Variants in NPR3 observed in about 807,000 individuals in gnomAD.
NPR3 encodes atrial natriuretic peptide receptor 3.
In NPR3, 34 loss-of-function variants were observed where a neutral mutation model predicts 54.5. The observed-to-expected ratio is 0.62, with a 90% CI of 0.47 to 0.83. The LOEUF (loss-of-function observed/expected upper bound fraction) is 0.83, where lower values mean the gene tolerates loss of function less well. Ranked by LOEUF, NPR3 falls within the 40% of genes least tolerant of loss-of-function variation. NPR3 has a pLI of 0.00. For synonymous variants in NPR3, 289 were observed against 297.1 expected (o/e 0.97, Z 0.28); for missense variants, 674 against 720.8 (o/e 0.94, Z 0.74).
intron 4 of NPR3, among the ~76,000 whole-genome samples, chr5:32,779,577 T>G (rs1162394731): frequency 6.6e-6 from 1 of 152,192 alleles, no homozygotes; most frequent in Admixed American, 6.5e-5. Context: ...TCTTTGGGCC[T>G]CTGTGCCTTG....
chr5:32,734,283 G>T (rs1298032819), intron 2 of NPR3, among the ~76,000 whole-genome samples: 1 of 152,192 alleles, frequency 6.6e-6, no homozygotes, highest in Non-Finnish European at 1.5e-5. Flanking sequence ...GGCCAGGCCA[G>T]GTGAATGCTT....
At chr5:32,724,069 G>C (rs1739007471) in intron 1 of NPR3, among the ~76,000 whole-genome samples, 1 of 152,082 alleles carries the variant, frequency 6.6e-6, no homozygotes, top group South Asian at 2.1e-4. Context: ...GAACAAGAAT[G>C]TTTACTTACA....
At chr5:32,753,197 G>T (rs1740662617) in intron 3 of NPR3, among the ~76,000 whole-genome samples, 1 of 152,128 alleles carries the variant, frequency 6.6e-6, no homozygotes, top group African/African-American at 2.4e-5. Context: ...ATTATGTGTG[G>T]TAATGTAATT....
At chr5:32,771,411 C>G (rs1463879974) in intron 3 of NPR3, among the ~76,000 whole-genome samples, 1 of 152,162 alleles carries the variant, frequency 6.6e-6, no homozygotes, top group Non-Finnish European at 1.5e-5. Context: ...ATTCAGGGCC[C>G]GTCTATTTCC....
At chr5:32,734,896 C>G (rs1242903287) in intron 2 of NPR3, among the ~76,000 whole-genome samples, 2 of 152,216 alleles carry the variant, frequency 1.3e-5, no homozygotes, top group Non-Finnish European at 2.9e-5. Context: ...TTTCTGGTAA[C>G]CCTGTGCTCT....
At chr5:32,718,983 A>G (rs549907866) in intron 1 of NPR3, among the ~76,000 whole-genome samples, 1 of 152,160 alleles carries the variant, frequency 6.6e-6, no homozygotes, top group South Asian at 2.1e-4. Context: ...GCTATTGGCT[A>G]TGGGTTTGTC....
intron 1 of NPR3, among the ~76,000 whole-genome samples, chr5:32,698,951 A>C (rs1259213627): frequency 9.9e-5 from 15 of 152,192 alleles, no homozygotes; most frequent in Admixed American, 9.8e-4. Context: ...TTGATTGGAA[A>C]GTTTAGTCCA....
At position 32,788,395 on chromosome 5, in the gene NPR3, G is replaced by T. The variant is rs919823674; in HGVS notation, c.*2050G>T. Reference sequence around the variant, plus strand: ...ACTTGGGACTCCCCAAAGTGAAACAGCAAGGAAGGATTGTGTCCATCTTAC... The same window carrying T: ...ACTTGGGACTCCCCAAAGTGAAACATCAAGGAAGGATTGTGTCCATCTTAC... On this transcript the variant is annotated 3_prime_UTR_variant, in exon 8 of 8. Coordinates refer to ENST00000265074, the MANE Select transcript of NPR3 (RefSeq NM_001204375.2). 1.3e-5 allele frequency: 2 copies of T among 152,230 alleles called. No homozygotes were observed. Among genetic ancestry groups the T allele is most frequent in the African/African-American group, 4.8e-5 (2 of 41,468 alleles). The allele number at this position is 152,230 out of a possible 1,614,324, so 9.4% of individuals were successfully genotyped here.
At chr5:32,706,288 A>T (rs952377623), upstream of NPR3, among the ~76,000 whole-genome samples, 1 of 152,154 alleles carries the variant, frequency 6.6e-6, no homozygotes, top group Non-Finnish European at 1.5e-5. Context: ...CAGAACCATG[A>T]GCTAATTAAA....
intron 3 of NPR3, among the ~76,000 whole-genome samples, chr5:32,743,950 C>T (rs1448598758): frequency 2.7e-5 from 4 of 148,288 alleles, no homozygotes; most frequent in Non-Finnish European, 5.9e-5. Context: ...TGTTCTTTTA[C>T]TAGTGAACCA....
chr5:32,753,119 GA>G (rs546497460), intron 3 of NPR3, among the ~76,000 whole-genome samples: 225 of 152,274 alleles, frequency 1.5e-3, no homozygotes, highest in African/African-American at 5.0e-3. Flanking sequence ...CAATACCTGT[GA>G]AAAAGGTCTT....
chr5:32,714,333 C>A lies in NPR3; in HGVS notation c.769+1788C>A, dbSNP rs112397118. On this transcript the variant is annotated intron_variant, in intron 1 of 7. Transcript: ENST00000265074. ...ACCAGAGGAGGGCAGATCGCGGCCCCGGGGCCCCTCGCCCTCACAGTGGTG... is the reference window on the plus strand; with the variant it reads ...ACCAGAGGAGGGCAGATCGCGGCCCAGGGGCCCCTCGCCCTCACAGTGGTG... Among the ~76,000 whole-genome samples, 421 of 151,684 alleles carry A rather than the reference C, an allele frequency of 2.8e-3. 3 individuals are homozygous for A. The highest frequency in any genetic ancestry group is 0.01 in the Middle Eastern group (3 of 290).
intron 1 of NPR3, among the ~76,000 whole-genome samples, chr5:32,692,290 A>G (rs1376484383): frequency 6.6e-6 from 1 of 152,258 alleles, no homozygotes; most frequent in African/African-American, 2.4e-5. Context: ...TTTCCATGTC[A>G]TAACTCAAGA....
At chr5:32,752,698 G>A (rs994243546) in intron 3 of NPR3, among the ~76,000 whole-genome samples, 2 of 152,138 alleles carry the variant, frequency 1.3e-5, no homozygotes, top group Non-Finnish European at 2.9e-5. Context: ...AAAATAATGA[G>A]TTCGCATGGC....
chr5:32,778,050 C>T (rs1351313134), intron 4 of NPR3, among the ~76,000 whole-genome samples: 1 of 152,018 alleles, frequency 6.6e-6, no homozygotes, highest in Non-Finnish European at 1.5e-5. Context: ...GAGGGCGCCA[C>T]TGAGGGAGGG....
At chr5:32,729,222 G>C (rs2111910615) in intron 2 of NPR3, among the ~76,000 whole-genome samples, 1 of 151,602 alleles carries the variant, frequency 6.6e-6, no homozygotes, top group Non-Finnish European at 1.5e-5. Flanking sequence ...GTAGAGTCGG[G>C]GTTTCACCGT....
chr5:32,692,492 T>C (rs971400632), intron 1 of NPR3, among the ~76,000 whole-genome samples: 2 of 152,220 alleles, frequency 1.3e-5, no homozygotes, highest in Non-Finnish European at 2.9e-5. Context: ...AATGTCAGCT[T>C]GATGAAATAA....
At chr5:32,695,657 C>T (rs1369799327) in intron 1 of NPR3, among the ~76,000 whole-genome samples, 1 of 152,210 alleles carries the variant, frequency 6.6e-6, no homozygotes, top group Non-Finnish European at 1.5e-5. Context: ...CAAGAGTTCC[C>T]TTTTCTTCAC....
At chr5:32,749,194 G>T (rs938517242) in intron 3 of NPR3, among the ~76,000 whole-genome samples, 1 of 121,126 alleles carries the variant, frequency 8.3e-6, no homozygotes, top group Admixed American at 7.8e-5. Context: ...TTAATAAGTA[G>T]AATTTTTTTC....
Sources: allele counts gnomAD v4.1 joint callset (sites outside exome capture counted in the v4.1 genomes callset), GRCh38; gene constraint gnomAD v4.1.1; transcripts MANE v1.5; gene names NCBI Gene and HGNC (gene_info 2026-07-23, HGNC 2026-07-21).